TANC2: variants seen among roughly 807,000 people sequenced by gnomAD.
TANC2 encodes tetratricopeptide repeat, ankyrin repeat and coiled-coil containing 2.
Under a neutral mutation model 210.5 loss-of-function variants are expected in TANC2, and 26 were observed. The observed-to-expected ratio is 0.12, with a 90% confidence interval of 0.09 to 0.17. The LOEUF (loss-of-function observed/expected upper bound fraction) is 0.17, where lower values mean the gene tolerates loss of function less well. TANC2 is among the 10% of genes least tolerant of loss of function. The probability of loss-of-function intolerance (pLI) is 1.00; values close to 1 mark genes in which losing one functional copy is unlikely to be tolerated. For missense variants in TANC2, 2,129 were observed against 2,608.9 expected (o/e 0.82, Z 4.01); for synonymous variants, 931 against 967.1 (o/e 0.96, Z 0.69).
intron 8 of TANC2, among the ~76,000 whole-genome samples, chr17:63,243,854 G>A (rs2042843897): frequency 6.6e-6 from 1 of 152,170 alleles, no homozygotes; most frequent in Non-Finnish European, 1.5e-5. Context: ...ACCTTTGTAA[G>A]TGATGATACC....
chr17:63,307,329 A>G (rs749837010), intron 9 of TANC2, among the ~76,000 whole-genome samples: 19 of 152,138 alleles, frequency 1.2e-4, no homozygotes, highest in Admixed American at 2.6e-4. Context: ...GAAAACTACC[A>G]TTACTTTGTT....
chr17:63,111,923 A>G (rs1288256106), intron 4 of TANC2, among the ~76,000 whole-genome samples: 2 of 151,926 alleles, frequency 1.3e-5, no homozygotes, highest in Non-Finnish European at 2.9e-5. Context: ...ACGGGGTTTC[A>G]CCATGTTGGC....
intron 9 of TANC2, among the ~76,000 whole-genome samples, chr17:63,293,513 T>C (rs1219035918): frequency 1.3e-5 from 2 of 152,220 alleles, no homozygotes; most frequent in Non-Finnish European, 1.5e-5. Flanking sequence ...CACTTTCTTC[T>C]GCCAGTCCTG....
At chr17:63,173,004 C>G (rs141613398) in intron 5 of TANC2, among the ~76,000 whole-genome samples, 1 of 151,990 alleles carries the variant, frequency 6.6e-6, no homozygotes, top group African/African-American at 2.4e-5. Context: ...AAGGTAAATG[C>G]GAATGGCATA....
At chr17:63,090,604 T>C (rs916834086) in intron 3 of TANC2, among the ~76,000 whole-genome samples, 11 of 152,210 alleles carry the variant, frequency 7.2e-5, no homozygotes, top group African/African-American at 2.2e-4. Flanking sequence ...ATCCAGTCTA[T>C]CATTGATGGA....
chr17:63,055,650 CTTTTTT>C (rs369794571), intron 2 of TANC2, among the ~76,000 whole-genome samples: 7 of 138,676 alleles, frequency 5.0e-5, no homozygotes, highest in African/African-American at 1.8e-4. Flanking sequence ...AACATCTTCA[CTTTTTT>C]TTTTTTTTTG....
intron 7 of TANC2, among the ~76,000 whole-genome samples, chr17:63,231,731 T>C (rs935846257): frequency 6.6e-6 from 1 of 152,190 alleles, no homozygotes; most frequent in Non-Finnish European, 1.5e-5. Flanking sequence ...CTGATTATTA[T>C]GTGTCTTTGG....
chr17:63,423,923 C>T (rs2049083646), exon 28 of TANC2: 1 of 152,222 alleles, frequency 6.6e-6, no homozygotes, highest in Non-Finnish European at 1.5e-5. Flanking sequence ...CTCTATACCC[C>T]TCTCTCTCAC....
intron 11 of TANC2, among the ~76,000 whole-genome samples, chr17:63,327,324 A>G (rs987631201): frequency 5.3e-5 from 8 of 152,228 alleles, no homozygotes; most frequent in African/African-American, 1.7e-4. Flanking sequence ...AGGTTCCTCA[A>G]AAAACTAAAA....
chr17:63,340,722 A>G (rs1392088209), intron 12 of TANC2, among the ~76,000 whole-genome samples: 2 of 152,158 alleles, frequency 1.3e-5, no homozygotes, highest in Non-Finnish European at 2.9e-5. Context: ...AACATATTTT[A>G]TTACCCCATC....
intron 1 of TANC2, among the ~76,000 whole-genome samples, chr17:63,003,122 A>G (rs2033462310): frequency 6.6e-6 from 1 of 152,184 alleles, no homozygotes; most frequent in African/African-American, 2.4e-5. Context: ...TGTGATCAAT[A>G]TTTGATATTG....
At chr17:63,006,323 G>T (rs946660075) in intron 1 of TANC2, among the ~76,000 whole-genome samples, 3 of 150,916 alleles carry the variant, frequency 2.0e-5, no homozygotes, top group African/African-American at 7.3e-5. Context: ...TTTATTTGCT[G>T]CTTGCTTTTG....
At chr17:63,415,785 T>C (rs1443753003) in intron 26 of TANC2, 111 bp downstream of exon 26, 1 of 1,346,744 alleles carries the variant, frequency 7.4e-7, no homozygotes, top group Non-Finnish European at 1.0e-6. Context: ...ATTTGGAACT[T>C]GGTTGTCCTT....
chr17:63,033,921 A>G (rs1008168262), intron 2 of TANC2, among the ~76,000 whole-genome samples: 1 of 152,186 alleles, frequency 6.6e-6, no homozygotes, highest in African/African-American at 2.4e-5. Flanking sequence ...GTTCGGTTTT[A>G]TGAATTTTCA....
chr17:63,350,519 G>T (rs2046567348), intron 12 of TANC2, among the ~76,000 whole-genome samples: 1 of 152,178 alleles, frequency 6.6e-6, no homozygotes, highest in Admixed American at 6.5e-5. Flanking sequence ...AATTGATTTT[G>T]TCAATGCCGG....
chr17:62,989,843 C>T (rs2143557319), intron 1 of TANC2, among the ~76,000 whole-genome samples: 1 of 141,440 alleles, frequency 7.1e-6, no homozygotes, highest in East Asian at 2.1e-4. Flanking sequence ...GCAATCTTGG[C>T]TCACTGCAAC....
chr17:63,304,731 C>T (rs1295172388), intron 9 of TANC2, among the ~76,000 whole-genome samples: 1 of 152,168 alleles, frequency 6.6e-6, no homozygotes, highest in Non-Finnish European at 1.5e-5. Flanking sequence ...CACCCTTCCA[C>T]CTAGGGACTC....
intron 2 of TANC2, among the ~76,000 whole-genome samples, chr17:63,044,614 T>C (rs1228077599): frequency 6.6e-6 from 1 of 152,126 alleles, no homozygotes; most frequent in Admixed American, 6.6e-5. Context: ...TACCTAGAAA[T>C]GGACTTGCAA....
intron 11 of TANC2, among the ~76,000 whole-genome samples, chr17:63,338,416 A>G (rs1598887309): frequency 6.6e-6 from 1 of 152,202 alleles, no homozygotes; most frequent in African/African-American, 2.4e-5. Context: ...TTCTTACTTT[A>G]GGATGTTGCA....
Sources: gnomAD v4.1 joint callset for allele counts (sites outside exome capture counted in the v4.1 genomes callset) on GRCh38, gnomAD v4.1.1 for gene constraint, MANE v1.5 for transcripts, NCBI Gene and HGNC (gene_info 2026-07-23, HGNC 2026-07-21) for gene names.